MARCHF1: variants seen among roughly 807,000 people sequenced by gnomAD.
MARCHF1 encodes the protein membrane associated ring-CH-type finger 1, also known as E3 ubiquitin-protein ligase MARCHF1.
A neutral mutation model predicts 54.2 loss-of-function variants in MARCHF1; 40 were observed. The observed-to-expected ratio is 0.74, with a 90% CI of 0.57 to 0.96. MARCHF1 has a LOEUF of 0.96. MARCHF1 is among the 40% of genes least tolerant of loss of function. The pLI is 0.00. For missense variants in MARCHF1, 586 were observed against 656.5 expected, an observed-to-expected ratio of 0.89 and a Z score of 1.17; for synonymous variants, 236 against 236.3, an observed-to-expected ratio of 1.00 and a Z score of 0.01.
intron 1 of MARCHF1, among the ~76,000 whole-genome samples, chr4:164,363,077 A>T (rs1730773014): frequency 2.0e-5 from 3 of 152,116 alleles, no homozygotes; most frequent in Admixed American, 2.0e-4. Context: ...TTTAGTATAC[A>T]TAAAATATAC....
intron 7 of MARCHF1, among the ~76,000 whole-genome samples, chr4:163,608,531 G>C (rs1323617562): frequency 6.6e-6 from 1 of 152,064 alleles, no homozygotes; most frequent in East Asian, 1.9e-4. Flanking sequence ...AACATGATCT[G>C]ATTCATGTTT....
At chr4:164,144,185 C>T (rs1729599743) in intron 1 of MARCHF1, among the ~76,000 whole-genome samples, 4 of 150,260 alleles carry the variant, frequency 2.7e-5, no homozygotes, top group Admixed American at 2.6e-4. Context: ...TCCTGACTGA[C>T]CTACAAAGAG....
chr4:163,935,255 G>T (rs1347002835), intron 3 of MARCHF1, among the ~76,000 whole-genome samples: 1 of 152,114 alleles, frequency 6.6e-6, no homozygotes, highest in Non-Finnish European at 1.5e-5. Flanking sequence ...TCCTCTAACA[G>T]AAGAGTCAGC....
chr4:163,965,069 C>T (rs569427281), intron 3 of MARCHF1, among the ~76,000 whole-genome samples: 36 of 151,944 alleles, frequency 2.4e-4, no homozygotes, highest in African/African-American at 8.0e-4. Context: ...AATGAAACAC[C>T]AGTGTTATAT....
chr4:163,994,614 A>G (rs770601145), intron 2 of MARCHF1, among the ~76,000 whole-genome samples: 23 of 152,008 alleles, frequency 1.5e-4, no homozygotes, highest in Non-Finnish European at 2.1e-4. Flanking sequence ...GTTTCCTCTT[A>G]TAAGTGTCAA....
At chr4:163,643,102 C>A (rs1742614694) in intron 5 of MARCHF1, among the ~76,000 whole-genome samples, 1 of 147,278 alleles carries the variant, frequency 6.8e-6, no homozygotes, top group Non-Finnish European at 1.5e-5. Flanking sequence ...CATTTCATGT[C>A]AGGCATTTGA....
At chr4:164,225,958 A>G (rs374408661) in intron 1 of MARCHF1, among the ~76,000 whole-genome samples, 4 of 152,128 alleles carry the variant, frequency 2.6e-5, no homozygotes, top group Admixed American at 2.6e-4. Context: ...CAGAGAAGTG[A>G]CTGATGGCAA....
chr4:164,172,036 C>G (rs1730540073), intron 1 of MARCHF1, among the ~76,000 whole-genome samples: 1 of 152,162 alleles, frequency 6.6e-6, no homozygotes, highest in Non-Finnish European at 1.5e-5. Flanking sequence ...ATTAAGATGT[C>G]AAACCACAAC....
intron 4 of MARCHF1, among the ~76,000 whole-genome samples, chr4:163,723,930 C>G (rs910628750): frequency 1.3e-5 from 2 of 152,152 alleles, no homozygotes; most frequent in South Asian, 4.1e-4. Context: ...TTCGTCTAAT[C>G]TTTTTTCAAG....
chr4:164,300,993 T>C (rs189094285), intron 1 of MARCHF1, among the ~76,000 whole-genome samples: 11 of 133,442 alleles, frequency 8.2e-5, no homozygotes, highest in Admixed American at 3.2e-4. Flanking sequence ...CTGAAACACA[T>C]AAACACAAAC....
rs1553989397 is a variant in MARCHF1 at position 164,177,009 on chromosome 4, T to TATATATATATATATATAC, written c.-322-65348_-322-65347insGTATATATATATATATAT. On this transcript the variant is annotated intron_variant, in intron 1 of 9. Transcript: ENST00000514618. ...ATATATATATATATATATATATATA[T>TATATATATATATATATAC]ACAAATGATAGAATTAGGCATGTTT... 1.3e-3 allele frequency among the ~76,000 whole-genome samples: 73 copies of TATATATATATATATATAC among 55,494 alleles called. 9 individuals are homozygous for TATATATATATATATATAC. Among genetic ancestry groups the TATATATATATATATATAC allele is most frequent in the South Asian group, 2.8e-3 (4 of 1,450 alleles). The allele number at this position is 55,494 out of a possible 152,430, so 36.4% of individuals were successfully genotyped here. A position where few individuals can be genotyped will look rare whatever the true frequency, so the allele number is the denominator to read the frequency against.
intron 3 of MARCHF1, among the ~76,000 whole-genome samples, chr4:163,955,126 A>G (rs1752205474): frequency 2.0e-5 from 3 of 151,530 alleles, no homozygotes. Flanking sequence ...TTATACTAAA[A>G]TTTACTTTTG....
intron 7 of MARCHF1, among the ~76,000 whole-genome samples, chr4:163,604,070 T>C (rs370473419): frequency 1.7e-4 from 26 of 152,140 alleles, no homozygotes; most frequent in South Asian, 6.2e-4. Flanking sequence ...CCAGGGAATA[T>C]TGAACATTGC....
intron 3 of MARCHF1, among the ~76,000 whole-genome samples, chr4:163,958,540 G>A (rs1315963421): frequency 4.0e-5 from 6 of 151,874 alleles, no homozygotes; most frequent in African/African-American, 1.2e-4. Flanking sequence ...GTAAGATGTT[G>A]ACTATTTTAC....
intron 8 of MARCHF1, among the ~76,000 whole-genome samples, chr4:163,555,217 T>G (rs1028320289): frequency 6.6e-6 from 1 of 152,198 alleles, no homozygotes; most frequent in African/African-American, 2.4e-5. Flanking sequence ...TTCCTAAGCT[T>G]TGTTCCAGAT....
chr4:164,083,111 C>T (rs2111117046), intron 2 of MARCHF1, among the ~76,000 whole-genome samples: 1 of 152,182 alleles, frequency 6.6e-6, no homozygotes, highest in African/African-American at 2.4e-5. Flanking sequence ...GAGCACATGG[C>T]ATTTTAGCTA....
At chr4:163,549,940 T>C (rs1405141801) in intron 8 of MARCHF1, among the ~76,000 whole-genome samples, 1 of 152,158 alleles carries the variant, frequency 6.6e-6, no homozygotes, top group African/African-American at 2.4e-5. Context: ...AGAAAAGTGT[T>C]GTTTAAATCT....
chr4:164,199,632 TCACACA>T lies in MARCHF1; in HGVS notation c.-322-87976_-322-87971del, dbSNP rs376565727. On this transcript the variant is annotated intron_variant, in intron 1 of 9. Transcript: ENST00000514618. ...GCCTGGGTGACAGAGCAGGACTCTG[TCACACA>T]CACACACACACACACACACACACAC... 5.7e-3 allele frequency among the ~76,000 whole-genome samples: 657 copies of T among 114,676 alleles called. 2 individuals carry two copies. Among genetic ancestry groups the T allele is most frequent in the East Asian group, 0.011 (37 of 3,298 alleles). The allele number at this position is 114,676 out of a possible 152,430, so 75.2% of individuals were successfully genotyped here.
chr4:164,205,456 TAAA>T (rs1731579641), intron 1 of MARCHF1, among the ~76,000 whole-genome samples: 1 of 152,160 alleles, frequency 6.6e-6, no homozygotes, highest in Non-Finnish European at 1.5e-5. Context: ...CTCGCTACTA[TAAA>T]CAGTTTTGCT....
Sources: gnomAD v4.1 joint callset for allele counts (sites outside exome capture counted in the v4.1 genomes callset) on GRCh38, gnomAD v4.1.1 for gene constraint, MANE v1.5 for transcripts, NCBI Gene and HGNC (gene_info 2026-07-23, HGNC 2026-07-21) for gene names.